ORC4: variants seen among roughly 807,000 people sequenced by gnomAD.
The protein encoded by ORC4 is origin recognition complex, subunit 4 homolog.
A neutral mutation model predicts 63.9 loss-of-function variants in ORC4; 55 were observed. That is an observed-to-expected ratio of 0.86 (90% CI 0.69 to 1.08). The LOEUF (loss-of-function observed/expected upper bound fraction) is 1.08. Among genes scored for constraint, ORC4 ranks in the 50% least tolerant of loss-of-function variants. ORC4 has a pLI of 0.00. For missense variants in ORC4, 511 were observed against 504.4 expected (o/e 1.01, Z -0.13); for synonymous variants, 150 against 168.5 (o/e 0.89, Z 0.85).
At position 147,935,230 on chromosome 2, in the gene ORC4, T is replaced by C; in HGVS notation, c.*280A>G. ...AGTGAGCTCTTCAAATAGACCATTA[T>C]ATATATAAGTGTTAAAAAAGCACAT... On this transcript the variant is annotated 3_prime_UTR_variant, in exon 14 of 14. Coordinates refer to ENST00000392857, the MANE Select transcript of ORC4 (RefSeq NM_181741.4). 2.4e-6 allele frequency: 1 copy of C among 408,698 alleles called. No individual in the cohort carries two copies. Among genetic ancestry groups the C allele is most frequent in the South Asian group, 2.5e-5 (1 of 39,306 alleles). The allele number at this position is 408,698 out of a possible 1,614,324, so 25.3% of individuals were successfully genotyped here. A position where few individuals can be genotyped will look rare whatever the true frequency, so the allele number is the denominator to read the frequency against.
chr2:147,982,782 C>A (rs1354611261), intron 1 of ORC4, among the ~76,000 whole-genome samples: 1 of 152,052 alleles, frequency 6.6e-6, no homozygotes, highest in Non-Finnish European at 1.5e-5. Context: ...ATTTCAAAGA[C>A]AATTCTAATA....
intron 1 of ORC4, among the ~76,000 whole-genome samples, chr2:147,998,155 T>C (rs1692081888): frequency 6.6e-6 from 1 of 152,188 alleles, no homozygotes; most frequent in Admixed American, 6.5e-5. Flanking sequence ...TTATCTGTAT[T>C]AGATATTTTT....
intron 8 of ORC4, among the ~76,000 whole-genome samples, chr2:147,950,513 T>G (rs1381597077): frequency 6.6e-6 from 1 of 152,160 alleles, no homozygotes; most frequent in Non-Finnish European, 1.5e-5. Flanking sequence ...ACGCCTGTAA[T>G]CCCAGCACTT....
chr2:147,953,023 T>C (rs1325299417), intron 7 of ORC4, among the ~76,000 whole-genome samples: 2 of 137,800 alleles, frequency 1.5e-5, no homozygotes, highest in Non-Finnish European at 3.1e-5. Context: ...TGAAACTCCA[T>C]CTCAAAAAAA....
chr2:147,988,516 C>T (rs373772175), intron 1 of ORC4, among the ~76,000 whole-genome samples: 119 of 152,000 alleles, frequency 7.8e-4, no homozygotes, highest in African/African-American at 2.8e-3. Flanking sequence ...TGCCACCATG[C>T]CTGGCTAATT....
intron 8 of ORC4, among the ~76,000 whole-genome samples, chr2:147,948,682 T>TA (rs1558835367): frequency 1.3e-5 from 2 of 151,636 alleles, no homozygotes; most frequent in Non-Finnish European, 2.9e-5. Flanking sequence ...TTTTTTTTTT[T>TA]ATAGTAATGC....
rs1553452537 is a variant in ORC4, at chr2:147,952,509, C to T, written c.452G>A (p.Ser151Asn). The T allele has an allele frequency of 6.2e-7, 1 of 1,610,598 alleles. No individual in the cohort carries two copies. ...ATCTAATATGAAGATCACTGGGCAACTGCTAGTTCGGTCACCTAAGATAAA... is the reference window on the plus strand; with the variant it reads ...ATCTAATATGAAGATCACTGGGCAATTGCTAGTTCGGTCACCTAAGATAAA... ...EALKKGDRTSSCPVIFILDEF... is the reference protein window; with the variant it reads ...EALKKGDRTSNCPVIFILDEF... The change falls in exon 8 of 14, where the codon AGT (serine) becomes AAT (asparagine). Residue 151 changes from serine (S) to asparagine (N), a missense_variant. Ser to Asn is a conservative substitution (Grantham distance 46). Transcript: ENST00000392857.
intron 1 of ORC4, among the ~76,000 whole-genome samples, chr2:147,986,050 T>C (rs912629525): frequency 2.0e-5 from 3 of 152,188 alleles, no homozygotes; most frequent in African/African-American, 7.2e-5. Context: ...ATACCAACAA[T>C]TCACTTCTCT....
chr2:148,005,670 A>AC (rs1210211912), intron 1 of ORC4, among the ~76,000 whole-genome samples: 2 of 148,788 alleles, frequency 1.3e-5, no homozygotes, highest in Non-Finnish European at 3.0e-5. Flanking sequence ...AAAAAAAAAA[A>AC]AAAAAAAAAA....
chr2:148,003,696 G>C (rs574400008), intron 1 of ORC4, among the ~76,000 whole-genome samples: 11 of 152,032 alleles, frequency 7.2e-5, no homozygotes, highest in Admixed American at 4.6e-4. Flanking sequence ...TTTGAAAACC[G>C]GCACAAGAAA....
rs766439109 is a variant in ORC4, at chr2:147,935,547, A to G, written c.1274T>C (p.Val425Ala). Residue 425 changes from valine to alanine, a missense_variant, in exon 14 of 14, where the codon GTG becomes GCG. Physicochemically the swap from Val to Ala is moderately conservative, Grantham distance 64. Coordinates refer to ENST00000392857, the MANE Select transcript of ORC4 (RefSeq NM_181741.4). ...LQKYPNCPTD[V>A]RQWATSSLSW... ...TAGTGAGGATGTTGCCCACTGCCTC[A>G]CATCTGTAGGACAGTTGGGATATTT... 3.7e-6 allele frequency: 6 copies of G among 1,613,862 alleles called. No individual in the cohort carries two copies. The highest frequency in any genetic ancestry group is 4.2e-6 in the Non-Finnish European group (5 of 1,179,814).
At chr2:147,957,198 C>A in intron 6 of ORC4, among the ~76,000 whole-genome samples, 1 of 143,718 alleles carries the variant, frequency 7.0e-6, no homozygotes, top group Admixed American at 7.0e-5. Flanking sequence ...TAGATATAAC[C>A]TATTATAGAA....
chr2:147,959,498 T>A (rs890773254), intron 4 of ORC4, among the ~76,000 whole-genome samples: 5 of 151,970 alleles, frequency 3.3e-5, no homozygotes, highest in African/African-American at 4.8e-5. Flanking sequence ...AGCAGTTGTA[T>A]ACACAAAATA....
intron 11 of ORC4, 45 bp downstream of exon 11, chr2:147,939,095 A>T: frequency 8.7e-7 from 1 of 1,145,380 alleles, no homozygotes. Context: ...ATCTAAATTC[A>T]AAGTTTTAAA....
At chr2:147,965,359 A>C (rs908564345) in intron 4 of ORC4, among the ~76,000 whole-genome samples, 5 of 152,078 alleles carry the variant, frequency 3.3e-5, no homozygotes, top group East Asian at 1.9e-4. Flanking sequence ...AAAAAAAAAA[A>C]CTCAATTATA....
At chr2:147,967,700 A>C (rs527240750) in intron 4 of ORC4, among the ~76,000 whole-genome samples, 6 of 152,220 alleles carry the variant, frequency 3.9e-5, no homozygotes, top group Admixed American at 3.9e-4. Context: ...GAAAGAATGA[A>C]TATTGTTAAA....
intron 1 of ORC4, among the ~76,000 whole-genome samples, chr2:148,010,848 C>CT (rs201359357): frequency 0.031 from 3,056 of 98,408 alleles, 129 homozygotes; most frequent in African/African-American, 0.073. Flanking sequence ...CAGATTTATT[C>CT]TTTTTTTTTT....
rs1404117167 is a variant in ORC4 at position 148,000,738 on chromosome 2, T to TA, written c.-18+19894dup. Among the ~76,000 whole-genome samples, 8 of 152,244 alleles carry TA rather than the reference T, an allele frequency of 5.3e-5. No homozygotes were observed. The South Asian group carries it at 1.5e-3, about 28-fold the overall frequency. ...TGGATAAACTGATAAAAATACTTGA[T>TA]ACCTCTGAATATATGGAAAGGCTGT... On this transcript the variant is annotated intron_variant, in intron 1 of 13. Coordinates refer to ENST00000392857, the MANE Select transcript of ORC4 (RefSeq NM_181741.4).
Position 147,973,489 on chromosome 2 carries a change from C to G in ORC4, c.93G>C (p.Gln31His), listed in dbSNP as rs1558853607. Reference protein sequence around the residue: ...QRILRERFCRQSPHSNLFGVQ... With the variant: ...QRILRERFCRHSPHSNLFGVQ... ...CTCCAAATAGGTTACTATGTGGACT[C>G]TGACGACAAAATCTTTCACGTAAAA... The change falls in exon 3 of 14, where the codon CAG (glutamine) becomes CAC (histidine). Residue 31 changes from glutamine (Q) to histidine (H), a missense_variant. Coordinates refer to ENST00000392857, the MANE Select transcript of ORC4 (RefSeq NM_181741.4). 6.2e-7 allele frequency: 1 copy of G among 1,606,258 alleles called. No individual in the cohort carries two copies. The highest frequency in any genetic ancestry group is 1.7e-5 in the Admixed American group (1 of 59,938).
Sources: gnomAD v4.1 joint callset for allele counts (sites outside exome capture counted in the v4.1 genomes callset) on GRCh38, gnomAD v4.1.1 for gene constraint, MANE v1.5 for transcripts, NCBI Gene and HGNC (gene_info 2026-07-23, HGNC 2026-07-21) for gene names.